The following RPS6KA2 variants were observed in gnomAD, a reference collection of about 807,000 sequenced individuals.
The protein encoded by RPS6KA2 is ribosomal protein S6 kinase A2, also known as ribosomal protein S6 kinase alpha-2.
RPS6KA2 carries 42 observed loss-of-function variants against 91.8 expected under a neutral mutation model. That is an observed-to-expected ratio of 0.46 (90% CI 0.36 to 0.59). The LOEUF (loss-of-function observed/expected upper bound fraction) is 0.59, where lower values mean the gene tolerates loss of function less well. Among genes scored for constraint, RPS6KA2 ranks in the 20% least tolerant of loss-of-function variants. The pLI, the probability that RPS6KA2 is intolerant of heterozygous loss-of-function variation, is 0.00. For synonymous variants in RPS6KA2, 414 were observed against 393.6 expected (o/e 1.05, Z -0.61); for missense variants, 798 against 978.5 (o/e 0.82, Z 2.46).
chr6:166,577,774 G>C (rs1328819445), intron 1 of RPS6KA2, among the ~76,000 whole-genome samples: 2 of 152,176 alleles, frequency 1.3e-5, no homozygotes, highest in Non-Finnish European at 2.9e-5. Flanking sequence ...AGGCATGATT[G>C]GTTTTGAAAT....
At chr6:166,507,884 C>A (rs1182460076) in intron 5 of RPS6KA2, among the ~76,000 whole-genome samples, 4 of 141,288 alleles carry the variant, frequency 2.8e-5, no homozygotes, top group African/African-American at 5.8e-5. Flanking sequence ...CCACGCACAC[C>A]CCCCCACACA....
At chr6:166,542,109 G>C (rs1783677369) in intron 1 of RPS6KA2, among the ~76,000 whole-genome samples, 1 of 152,174 alleles carries the variant, frequency 6.6e-6, no homozygotes, top group South Asian at 2.1e-4. Context: ...CAAAGATCTG[G>C]TGTTCCATGG....
At chr6:166,814,051 G>A (rs1334494576) in intron 2 of RPS6KA2, among the ~76,000 whole-genome samples, 1 of 152,024 alleles carries the variant, frequency 6.6e-6, no homozygotes, top group East Asian at 1.9e-4. Context: ...TTGTTGGTAC[G>A]CATACATTTT....
At chr6:166,713,171 A>C (rs577165656) in intron 2 of RPS6KA2, among the ~76,000 whole-genome samples, 1 of 152,266 alleles carries the variant, frequency 6.6e-6, no homozygotes, top group South Asian at 2.1e-4. Context: ...CATCCCCCGG[A>C]ACACAACTCA....
intron 2 of RPS6KA2, among the ~76,000 whole-genome samples, chr6:166,797,646 A>C (rs1457840772): frequency 6.6e-6 from 1 of 152,092 alleles, no homozygotes; most frequent in Non-Finnish European, 1.5e-5. Context: ...TTGTCCAGGC[A>C]GGGGGTGCTG....
intron 10 of RPS6KA2, among the ~76,000 whole-genome samples, chr6:166,484,874 T>C (rs951029098): frequency 2.0e-5 from 3 of 152,264 alleles, no homozygotes; most frequent in African/African-American, 7.2e-5. Flanking sequence ...TCTGTTTTCA[T>C]AAGTGAATTT....
rs1219157699 is a variant in RPS6KA2, at chr6:166,585,446, G to C, written c.99+41475C>G. Among the ~76,000 whole-genome samples the C allele has an allele frequency of 2.7e-5, 4 of 150,780 alleles. No homozygotes were observed. In the East Asian group the frequency reaches 7.7e-4, roughly 29 times the overall value. On this transcript the variant is annotated intron_variant, in intron 1 of 20. Transcript: ENST00000265678. ...ACTTATAATTGTGTGCAATTGTCCA[G>C]GCTGATCTTTTAAGGTTAAAGAGAA...
At chr6:166,851,811 G>A (rs1780752884) in intron 2 of RPS6KA2, among the ~76,000 whole-genome samples, 1 of 152,180 alleles carries the variant, frequency 6.6e-6, no homozygotes, top group East Asian at 1.9e-4. Context: ...ATCTGCCCAG[G>A]AATGACAAAT....
intron 2 of RPS6KA2, among the ~76,000 whole-genome samples, chr6:166,818,193 T>C (rs1195246738): frequency 6.6e-6 from 1 of 152,188 alleles, no homozygotes; most frequent in Non-Finnish European, 1.5e-5. Flanking sequence ...ATATTGAAAT[T>C]ATCTCCAAAA....
intron 1 of RPS6KA2, among the ~76,000 whole-genome samples, chr6:166,561,681 A>G (rs1486464350): frequency 6.6e-6 from 1 of 151,994 alleles, no homozygotes; most frequent in Non-Finnish European, 1.5e-5. Flanking sequence ...GTTGACATGT[A>G]CCCTGCCCCA....
chr6:166,432,274 T>C (rs1408629171), intron 15 of RPS6KA2, 127 bp downstream of exon 15: 8 of 663,058 alleles, frequency 1.2e-5, no homozygotes, highest in Non-Finnish European at 1.6e-5. Flanking sequence ...GACTGAGATA[T>C]GTGGGTGGTG....
At position 166,514,416 on chromosome 6, in the gene RPS6KA2, T is replaced by C. The variant is rs3799668; in HGVS notation, c.299-4059A>G. 9.4e-5 allele frequency among the ~76,000 whole-genome samples: 14 copies of C among 149,184 alleles called. No homozygotes were observed. The East Asian group carries it at 2.8e-3, about 30-fold the overall frequency. ...GGGGAACTGGAAACAGCCTGGGAGG[T>C]TTTCACAGAGGAGGGGCTAAGCCTT... On this transcript the variant is annotated intron_variant, in intron 3 of 20. Transcript: ENST00000265678.
chr6:166,655,987 G>A (rs1297601082), intron 2 of RPS6KA2, among the ~76,000 whole-genome samples: 4 of 152,174 alleles, frequency 2.6e-5, no homozygotes, highest in African/African-American at 7.2e-5. Flanking sequence ...AGGAACAGGC[G>A]CCCTGCGGTA....
chr6:166,600,096 C>T (rs1785679547), intron 1 of RPS6KA2, among the ~76,000 whole-genome samples: 1 of 152,312 alleles, frequency 6.6e-6, no homozygotes, highest in Admixed American at 6.5e-5. Context: ...CAGCCTCGAA[C>T]TCTTGGGCCC....
rs575083241 is a variant in RPS6KA2, at chr6:166,476,223, C to T, written c.908-6318G>A. ...GGTGTCAAGGCTGGCCAGCAAAGCC[C>T]CGGGGTCTAGGAGCGGCCAGGGACA... On this transcript the variant is annotated intron_variant, in intron 10 of 20. Transcript: ENST00000265678. 1.5e-4 allele frequency among the ~76,000 whole-genome samples: 23 copies of T among 152,244 alleles called. No homozygotes were observed. In the South Asian group the frequency reaches 4.8e-3, roughly 32 times the overall value.
At chr6:166,713,809 G>A (rs535146301) in intron 2 of RPS6KA2, among the ~76,000 whole-genome samples, 3 of 152,332 alleles carry the variant, frequency 2.0e-5, no homozygotes, top group South Asian at 2.1e-4. Flanking sequence ...CACTGGCCAC[G>A]TTATCTGCAG....
chr6:166,736,726 G>T (rs1050426718), intron 2 of RPS6KA2, among the ~76,000 whole-genome samples: 4 of 152,144 alleles, frequency 2.6e-5, no homozygotes, highest in Non-Finnish European at 4.4e-5. Context: ...CGCCCTGAAA[G>T]CTCTATGGCC....
At chr6:166,601,890 T>C (rs1785743815) in intron 1 of RPS6KA2, among the ~76,000 whole-genome samples, 1 of 152,118 alleles carries the variant, frequency 6.6e-6, no homozygotes, top group African/African-American at 2.4e-5. Context: ...ATGAATCAAT[T>C]CAGCTGCATA....
chr6:166,538,527 C>A (rs1003635854), intron 2 of RPS6KA2, 141 bp downstream of exon 2: 1 of 525,938 alleles, frequency 1.9e-6, no homozygotes, highest in Non-Finnish European at 3.5e-6. Context: ...CAAAGTGAGA[C>A]CCCGGTTCTG....
Sources: gnomAD v4.1 joint callset for allele counts (sites outside exome capture counted in the v4.1 genomes callset) on GRCh38, gnomAD v4.1.1 for gene constraint, MANE v1.5 for transcripts, NCBI Gene and HGNC (gene_info 2026-07-23, HGNC 2026-07-21) for gene names.